Variants in TMSB15A observed in about 807,000 individuals in gnomAD.
TMSB15A encodes the protein thymosin beta-15A.
In TMSB15A, 1 loss-of-function variant was observed where a neutral mutation model predicts 3.2. The observed-to-expected ratio is 0.32, with a 90% CI of 0.11 to 1.50. The LOEUF (loss-of-function observed/expected upper bound fraction) is 1.50. Ranked by LOEUF, TMSB15A falls within the 40% of genes most tolerant of loss-of-function variation. The probability of loss-of-function intolerance (pLI) is 0.39; values close to 1 mark genes in which losing one functional copy is unlikely to be tolerated. For missense variants in TMSB15A, 22 were observed against 27.8 expected, an observed-to-expected ratio of 0.79 and a Z score of 0.47; for synonymous variants, 10 against 11.2, an observed-to-expected ratio of 0.90 and a Z score of 0.21.
Position 102,513,947 on chromosome X carries a change from C to T in TMSB15A, c.*140G>A, listed in dbSNP as rs1212473363. The T allele has an allele frequency of 1.5e-6, 1 of 678,665 alleles. No homozygotes were observed. Among genetic ancestry groups the T allele is most frequent in the Non-Finnish European group, 2.3e-6 (1 of 434,999 alleles). 55.9% of individuals were successfully genotyped at this position (678,665 alleles called of 1,213,427 possible). A position where few individuals can be genotyped will look rare whatever the true frequency, so the allele number is the denominator to read the frequency against. On this transcript the variant is annotated 3_prime_UTR_variant, in exon 3 of 3. Transcript: ENST00000289373. ...TTAAGGAAACATTGGCTACCTCTGACTTCTTAGCCAGGGAACATAGGTGAG... is the reference window on the plus strand; with the variant it reads ...TTAAGGAAACATTGGCTACCTCTGATTTCTTAGCCAGGGAACATAGGTGAG...
At position 102,514,136 on chromosome X, in the gene TMSB15A, AAC is replaced by A. The variant is rs1290110334; in HGVS notation, c.101-14_101-13del. 2 of 1,211,266 alleles carry A rather than the reference AAC, an allele frequency of 1.7e-6. No homozygotes were observed. Among genetic ancestry groups the A allele is most frequent in the East Asian group, 5.9e-5 (2 of 33,853 alleles). ...CTCTTGCTGGATAGCTGGGAAGACA[AAC>A]ACAAAAATCATTAACCGTATGTACC... On this transcript the variant is annotated splice_polypyrimidine_tract_variant and intron_variant, in intron 2 of 2. Coordinates refer to ENST00000289373, the MANE Select transcript of TMSB15A (RefSeq NM_021992.3).
chrX:102,516,456 C>A (rs903562738), intron 1 of TMSB15A, among the ~76,000 whole-genome samples: 1 of 112,485 alleles, frequency 8.9e-6, no homozygotes, highest in African/African-American at 3.2e-5. Flanking sequence ...CAGGGACCGG[C>A]CCCCAGGAGG....
chrX:102,513,899 C>T lies in TMSB15A; in HGVS notation c.*188G>A, dbSNP rs1187215445. 4.1e-6 allele frequency: 2 copies of T among 490,551 alleles called. No homozygotes were observed. The highest frequency in any genetic ancestry group is 3.6e-6 in the Non-Finnish European group (1 of 278,641). The allele number at this position is 490,551 out of a possible 1,213,427, so 40.4% of individuals were successfully genotyped here. On this transcript the variant is annotated 3_prime_UTR_variant, in exon 3 of 3. Transcript: ENST00000289373. ...CATCTGCCATCTGGAACATATGCAC[C>T]AATGGTAAGTTTAAAAATGAATTTA...
intron 1 of TMSB15A, among the ~76,000 whole-genome samples, chrX:102,515,701 C>T (rs1400594593): frequency 2.7e-5 from 3 of 110,087 alleles, no homozygotes; most frequent in Non-Finnish European, 5.7e-5. Context: ...TTTAAATGCC[C>T]AAAGATGACA....
At chrX:102,515,933 G>A (rs1020741650) in intron 1 of TMSB15A, among the ~76,000 whole-genome samples, 2 of 111,475 alleles carry the variant, frequency 1.8e-5, no homozygotes, top group Non-Finnish European at 3.8e-5. Context: ...CGAAATGCCT[G>A]GTGCCCTGTA....
In TMSB15A at chrX:102,515,080, A is replaced by G; in HGVS notation, c.84T>C (p.Thr28=). ...ATGACTTACTTTCCTTTGAGGGAAG[A>G]GTATTTTTTTCTTCAGTATTAGTTT... ...LKKTNTEEKN[T]LPSKETIQQE... Residue 28 remains threonine, a synonymous_variant, in exon 2 of 3, where the codon ACT becomes ACC. Coordinates refer to ENST00000289373, the MANE Select transcript of TMSB15A (RefSeq NM_021992.3). 3.3e-6 allele frequency: 4 copies of G among 1,211,222 alleles called. No homozygotes were observed. The South Asian group carries it at 7.0e-5, about 21-fold the overall frequency.
chrX:102,515,083 A>AT lies in TMSB15A; in HGVS notation c.80dup (p.Asn27LysfsTer116). 1 of 1,210,865 alleles carries AT rather than the reference A, an allele frequency of 8.3e-7. No homozygotes were observed. Among genetic ancestry groups the AT allele is most frequent in the South Asian group, 1.8e-5 (1 of 56,849 alleles). On this transcript the variant is annotated frameshift_variant, in exon 2 of 3. Transcript: ENST00000289373. LOFTEE classifies it high-confidence loss of function. Reference sequence around the variant, plus strand: ...ACTTACTTTCCTTTGAGGGAAGAGTATTTTTTTCTTCAGTATTAGTTTTCT... The same window carrying AT: ...ACTTACTTTCCTTTGAGGGAAGAGTATTTTTTTTCTTCAGTATTAGTTTTCT...
At chrX:102,516,184 C>T (rs1479745439) in intron 1 of TMSB15A, among the ~76,000 whole-genome samples, 1 of 112,170 alleles carries the variant, frequency 8.9e-6, no homozygotes, top group Non-Finnish European at 1.9e-5. Flanking sequence ...AAAACTGGAA[C>T]TAACAAATAA....
intron 1 of TMSB15A, 21 bp downstream of exon 1, chrX:102,516,645 T>C (rs1338726254): frequency 1.8e-5 from 2 of 113,015 alleles, no homozygotes; most frequent in Non-Finnish European, 3.7e-5. Context: ...CTCTGGCTCC[T>C]GCGAGGCCGC....
chrX:102,516,515 A>C (rs1400332153), intron 1 of TMSB15A, among the ~76,000 whole-genome samples, 151 bp downstream of exon 1: 1 of 111,752 alleles, frequency 8.9e-6, no homozygotes, highest in Admixed American at 9.3e-5. Flanking sequence ...AAAGGCGCGG[A>C]CTCGCTCGCC....
In TMSB15A at chrX:102,513,903, G is replaced by T; in HGVS notation, c.*184C>A. On this transcript the variant is annotated 3_prime_UTR_variant, in exon 3 of 3. Coordinates refer to ENST00000289373, the MANE Select transcript of TMSB15A (RefSeq NM_021992.3). ...TGCCATCTGGAACATATGCACCAAT[G>T]GTAAGTTTAAAAATGAATTTAAGGA... The T allele has an allele frequency of 2.0e-6, 1 of 502,158 alleles. No individual in the cohort carries two copies. 41.4% of individuals were successfully genotyped at this position (502,158 alleles called of 1,213,427 possible).
Position 102,514,132 on chromosome X carries a change from G to A in TMSB15A, c.101-8C>T. ...CTTTCTCTTGCTGGATAGCTGGGAAGACAAACACAAAAATCATTAACCGTA... is the reference window on the plus strand; with the variant it reads ...CTTTCTCTTGCTGGATAGCTGGGAAAACAAACACAAAAATCATTAACCGTA... On this transcript the variant is annotated splice_polypyrimidine_tract_variant and splice_region_variant and intron_variant, in intron 2 of 2. Transcript: ENST00000289373. The A allele has an allele frequency of 2.5e-6, 3 of 1,211,105 alleles. No homozygotes were observed. The highest frequency in any genetic ancestry group is 3.4e-6 in the Non-Finnish European group (3 of 894,943).
rs1238417698 is a variant in TMSB15A at position 102,513,867 on chromosome X, T to C, written c.*220A>G. On this transcript the variant is annotated 3_prime_UTR_variant, in exon 3 of 3. Transcript: ENST00000289373. ...ACAAAGGTCATCAATGGTGAGATTATTGACAGCATCTGCCATCTGGAACAT... is the reference window on the plus strand; with the variant it reads ...ACAAAGGTCATCAATGGTGAGATTACTGACAGCATCTGCCATCTGGAACAT... 6.9e-6 allele frequency: 3 copies of C among 437,503 alleles called. No homozygotes were observed. The African/African-American group carries it at 7.4e-5, about 11-fold the overall frequency. The allele number at this position is 437,503 out of a possible 1,213,427, so 36.1% of individuals were successfully genotyped here.
intron 1 of TMSB15A, among the ~76,000 whole-genome samples, chrX:102,515,725 T>C: frequency 1.8e-5 from 2 of 111,284 alleles, no homozygotes; most frequent in Admixed American, 1.9e-4. Context: ...CATTAAGGCA[T>C]TACAATACAC....
chrX:102,515,128 C>A lies in TMSB15A; in HGVS notation c.36G>T (p.Lys12Asn). Residue 12 changes from lysine (K) to asparagine (N), a missense_variant, in exon 2 of 3, where the codon AAG becomes AAT. By Grantham distance (94) the Lys-to-Asn change is moderately conservative. Coordinates refer to ENST00000289373, the MANE Select transcript of TMSB15A (RefSeq NM_021992.3). ...TTTTCTTCAGTTTTGACCTGTCAAA[C>A]TTCTCCACTTCCGACAAGTCTGGCT... The part of the protein sequence containing the change: ...SDKPDLSEVE[K>N]FDRSKLKKTN... 1.7e-6 allele frequency: 2 copies of A among 1,211,347 alleles called. No homozygotes were observed. The highest frequency in any genetic ancestry group is 2.2e-6 in the Non-Finnish European group (2 of 895,412).
At chrX:102,514,687 G>C (rs1371899887) in intron 2 of TMSB15A, among the ~76,000 whole-genome samples, 2 of 111,763 alleles carry the variant, frequency 1.8e-5, no homozygotes, top group Admixed American at 9.5e-5. Context: ...TGCAAAGTTT[G>C]CATGGATCTT....
chrX:102,514,848 GT>G (rs1222830929), intron 2 of TMSB15A, among the ~76,000 whole-genome samples: 2 of 111,733 alleles, frequency 1.8e-5, no homozygotes, highest in Non-Finnish European at 3.8e-5. Context: ...CAAGAAACTA[GT>G]TTTCCCCCCC....
Position 102,514,134 on chromosome X carries a change from C to T in TMSB15A, c.101-10G>A, listed in dbSNP as rs782215605. 1.7e-6 allele frequency: 2 copies of T among 1,211,117 alleles called. No homozygotes were observed. The highest frequency in any genetic ancestry group is 4.3e-5 in the Admixed American group (2 of 46,059). On this transcript the variant is annotated splice_polypyrimidine_tract_variant and intron_variant, in intron 2 of 2. Coordinates refer to ENST00000289373, the MANE Select transcript of TMSB15A (RefSeq NM_021992.3). ...TTCTCTTGCTGGATAGCTGGGAAGACAAACACAAAAATCATTAACCGTATG... is the reference window on the plus strand; with the variant it reads ...TTCTCTTGCTGGATAGCTGGGAAGATAAACACAAAAATCATTAACCGTATG...
At chrX:102,516,591 C>A (rs1485161001) in intron 1 of TMSB15A, 75 bp downstream of exon 1, 1 of 113,254 alleles carries the variant, frequency 8.8e-6, no homozygotes, top group Non-Finnish European at 1.9e-5. Context: ...GAAGGCGCGG[C>A]ATCCCCCGCC....
Sources: gnomAD v4.1 joint callset for allele counts (sites outside exome capture counted in the v4.1 genomes callset) on GRCh38, gnomAD v4.1.1 for gene constraint, MANE v1.5 for transcripts, NCBI Gene and HGNC (gene_info 2026-07-23, HGNC 2026-07-21) for gene names.